AFAP1L2: variants seen among roughly 807,000 people sequenced by gnomAD.
AFAP1L2 encodes actin filament associated protein 1 like 2.
In AFAP1L2, 46 loss-of-function variants were observed where a neutral mutation model predicts 99.3. The observed-to-expected ratio is 0.46, with a 90% confidence interval of 0.37 to 0.59. The LOEUF (loss-of-function observed/expected upper bound fraction) is 0.59. Ranked by LOEUF, AFAP1L2 falls within the 20% of genes least tolerant of loss-of-function variation. AFAP1L2 has a pLI of 0.00. For synonymous variants in AFAP1L2, 397 were observed against 419.1 expected, an observed-to-expected ratio of 0.95 and a Z score of 0.64; for missense variants, 959 against 1,034.9, an observed-to-expected ratio of 0.93 and a Z score of 1.01.
intron 1 of AFAP1L2, among the ~76,000 whole-genome samples, chr10:114,365,684 T>G (rs1028688466): frequency 1.1e-4 from 16 of 151,838 alleles, no homozygotes; most frequent in African/African-American, 3.6e-4. Context: ...AAGCCTTTCT[T>G]TGACCGCCCT....
At chr10:114,317,872 G>C (rs893795537) in intron 5 of AFAP1L2, among the ~76,000 whole-genome samples, 2 of 152,198 alleles carry the variant, frequency 1.3e-5, no homozygotes, top group African/African-American at 4.8e-5. Flanking sequence ...AAAAGGGCGG[G>C]AGTGGGAAAG....
chr10:114,315,840 A>G (rs2044047167), intron 5 of AFAP1L2, 75 bp from the exon 6 acceptor site: 1 of 1,392,694 alleles, frequency 7.2e-7, no homozygotes. Context: ...TGGGGAGGGC[A>G]GCAGGCAGGA....
At position 114,303,268 on chromosome 10, in the gene AFAP1L2, G is replaced by GTGA. The variant is rs1274621479; in HGVS notation, c.1285-787_1285-785dup. On this transcript the variant is annotated intron_variant, in intron 11 of 18. Transcript: ENST00000304129. ...CTACATTCTCTTCATCAAAGAGGCCGTGATGAGCAGAATTTGACATTTAGT... is the reference window on the plus strand; with the variant it reads ...CTACATTCTCTTCATCAAAGAGGCCGTGATGATGAGCAGAATTTGACATTTAGT... Among the ~76,000 whole-genome samples the GTGA allele has an allele frequency of 2.0e-5, 3 of 152,154 alleles. No homozygotes were observed. In the East Asian group the frequency reaches 5.8e-4, roughly 29 times the overall value.
intron 4 of AFAP1L2, among the ~76,000 whole-genome samples, chr10:114,326,491 A>G (rs1264693753): frequency 6.6e-6 from 1 of 152,214 alleles, no homozygotes; most frequent in African/African-American, 2.4e-5. Flanking sequence ...ACTGCTGCCA[A>G]TAGGAACATG....
intron 5 of AFAP1L2, among the ~76,000 whole-genome samples, chr10:114,320,147 G>A (rs56048446): frequency 0.013 from 1,999 of 152,286 alleles, 20 homozygotes; most frequent in Middle Eastern, 0.027. Flanking sequence ...ACAGCTGCTA[G>A]CAGTACCCCA....
intron 8 of AFAP1L2, 67 bp downstream of exon 8, chr10:114,310,287 T>G (rs1383163460): frequency 6.1e-6 from 9 of 1,479,552 alleles, no homozygotes; most frequent in Non-Finnish European, 7.3e-6. Context: ...CTCCCAATTT[T>G]GCACTTTTAA....
chr10:114,404,691 T>A, upstream of AFAP1L2: 2 of 448,850 alleles, frequency 4.5e-6, no homozygotes, highest in Non-Finnish European at 7.1e-6. Flanking sequence ...CCGCCGAGGC[T>A]GACAGTCGGC....
At chr10:114,315,884 C>T (rs2044057273) in intron 5 of AFAP1L2, 119 bp from the exon 6 acceptor site, 1 of 1,021,568 alleles carries the variant, frequency 9.8e-7, no homozygotes, top group Non-Finnish European at 1.4e-6. Context: ...CCCGACTCTC[C>T]CTGCCCTCAA....
In AFAP1L2 at chr10:114,355,378, G is replaced by A. The variant is rs571389025; in HGVS notation, c.17-14647C>T. Among the ~76,000 whole-genome samples, 319 of 151,444 alleles carry A rather than the reference G, an allele frequency of 2.1e-3. 2 individuals carry two copies. Among genetic ancestry groups the A allele is most frequent in the African/African-American group, 7.5e-3 (308 of 41,084 alleles). On this transcript the variant is annotated intron_variant, in intron 1 of 18. Transcript: ENST00000304129. ...CACACAAACTGCTGTGATTATAGGC[G>A]TGAGCCACCACGCCCGGCTCTCCTC... is the stretch of plus-strand genomic sequence containing the variant.
intron 5 of AFAP1L2, among the ~76,000 whole-genome samples, chr10:114,318,717 G>A (rs1275283083): frequency 1.4e-5 from 1 of 70,816 alleles, no homozygotes; most frequent in Admixed American, 1.8e-4. Context: ...ACTCCAGCCT[G>A]GCGGCAGGGT....
chr10:114,296,880 G>A (rs2040314781), intron 18 of AFAP1L2, 98 bp downstream of exon 18: 3 of 1,596,890 alleles, frequency 1.9e-6, no homozygotes, highest in South Asian at 1.1e-5. Flanking sequence ...CTCAGAGCTG[G>A]TGCCAAAAGC....
intron 11 of AFAP1L2, among the ~76,000 whole-genome samples, chr10:114,303,809 C>T (rs1401076344): frequency 1.3e-5 from 2 of 152,208 alleles, no homozygotes; most frequent in Non-Finnish European, 2.9e-5. Context: ...GCCATCAGGG[C>T]TCCGTTGCTC....
intron 4 of AFAP1L2, among the ~76,000 whole-genome samples, chr10:114,330,281 C>T (rs1564889800): frequency 6.6e-6 from 1 of 152,150 alleles, no homozygotes; most frequent in Non-Finnish European, 1.5e-5. Context: ...AACATGAGCC[C>T]ACAGATCAGG....
At chr10:114,380,708 G>T (rs1232759630) in intron 1 of AFAP1L2, among the ~76,000 whole-genome samples, 1 of 152,210 alleles carries the variant, frequency 6.6e-6, no homozygotes, top group Non-Finnish European at 1.5e-5. Flanking sequence ...AATAGACCCT[G>T]ATGTGGACAG....
rs563209088 is a variant in AFAP1L2, at chr10:114,333,799, C to A, written c.146-504G>T. 1.5e-4 allele frequency among the ~76,000 whole-genome samples: 23 copies of A among 152,096 alleles called. No individual in the cohort carries two copies. The South Asian group carries it at 4.4e-3, about 29-fold the overall frequency. ...GCACTCCAGCCTGGGCAACAGAGTG[C>A]GACTCCATCTTAAAAAGAAAAAAAG... On this transcript the variant is annotated intron_variant, in intron 2 of 18. Transcript: ENST00000304129.
chr10:114,296,705 G>T (rs889194603), intron 18 of AFAP1L2: 13 of 412,318 alleles, frequency 3.2e-5, no homozygotes, highest in African/African-American at 2.6e-4. Flanking sequence ...TGGCCTCCTG[G>T]AATCTACCCA....
intron 7 of AFAP1L2, among the ~76,000 whole-genome samples, chr10:114,311,765 T>C (rs2043277349): frequency 6.6e-6 from 1 of 152,212 alleles, no homozygotes; most frequent in African/African-American, 2.4e-5. Flanking sequence ...GCCTTGTGCC[T>C]TCCTTTACTG....
intron 1 of AFAP1L2, among the ~76,000 whole-genome samples, chr10:114,351,287 G>C (rs555444017): frequency 2.8e-4 from 42 of 152,292 alleles, no homozygotes; most frequent in African/African-American, 1.0e-3. Context: ...AAGAAGTTGT[G>C]CAGTGGCCGC....
At chr10:114,324,674 C>T (rs1055971230) in intron 4 of AFAP1L2, among the ~76,000 whole-genome samples, 2 of 152,190 alleles carry the variant, frequency 1.3e-5, no homozygotes, top group East Asian at 1.9e-4. Flanking sequence ...GCGCCCTCCG[C>T]GTGAGAGGGA....
Sources: gnomAD v4.1 joint callset for allele counts (sites outside exome capture counted in the v4.1 genomes callset) on GRCh38, gnomAD v4.1.1 for gene constraint, MANE v1.5 for transcripts, NCBI Gene and HGNC (gene_info 2026-07-23, HGNC 2026-07-21) for gene names.